DISC1: variants seen among roughly 807,000 people sequenced by gnomAD.
DISC1 encodes disrupted in schizophrenia 1 protein.
DISC1 carries 57 observed loss-of-function variants against 84.5 expected under a neutral mutation model. The ratio of observed to expected loss-of-function variants is 0.67; its 90% CI spans 0.55 to 0.84. The LOEUF (loss-of-function observed/expected upper bound fraction) is 0.84. Ranked by LOEUF, DISC1 falls within the 40% of genes least tolerant of loss-of-function variation. The pLI is 0.00. For synonymous variants in DISC1, 411 were observed against 415.2 expected (o/e 0.99, Z 0.12); for missense variants, 1,000 against 1,057.8 (o/e 0.95, Z 0.76).
chr1:231,702,931 A>G (rs1471397601), intron 3 of DISC1, among the ~76,000 whole-genome samples: 2 of 152,202 alleles, frequency 1.3e-5, no homozygotes, highest in Non-Finnish European at 2.9e-5. Flanking sequence ...GCAAGTTAGG[A>G]CACCCAGGAT....
intron 4 of DISC1, among the ~76,000 whole-genome samples, chr1:231,756,170 G>A (rs144219638): frequency 5.9e-5 from 9 of 152,286 alleles, no homozygotes; most frequent in Non-Finnish European, 1.3e-4. Context: ...TCTTGCTCAT[G>A]CCCCATTGTT....
intron 1 of DISC1, among the ~76,000 whole-genome samples, chr1:231,679,566 T>A (rs115971071): frequency 0.012 from 1,812 of 152,362 alleles, 47 homozygotes; most frequent in African/African-American, 0.042. Flanking sequence ...AAAGCACACT[T>A]CAGATATTTA....
At chr1:231,950,498 C>T (rs1490425260) in intron 9 of DISC1, among the ~76,000 whole-genome samples, 1 of 152,150 alleles carries the variant, frequency 6.6e-6, no homozygotes, top group African/African-American at 2.4e-5. Context: ...TTAGAAAAAG[C>T]ATTTGACAAA....
Position 232,039,881 on chromosome 1 carries a change from G to A in DISC1, c.*3050G>A, listed in dbSNP as rs1489842476. 6.6e-6 allele frequency: 1 copy of A among 152,122 alleles called. No individual in the cohort carries two copies. Among genetic ancestry groups the A allele is most frequent in the African/African-American group, 2.4e-5 (1 of 41,388 alleles). 9.4% of individuals were successfully genotyped at this position (152,122 alleles called of 1,614,324 possible). ...GAGAATGTAAGTGTGATATTATACT[G>A]TCTGCCTTGCTGGAATGCTGGCTTT... On this transcript the variant is annotated 3_prime_UTR_variant, in exon 13 of 13. Coordinates refer to ENST00000439617, the MANE Select transcript of DISC1 (RefSeq NM_018662.3).
chr1:231,808,228 T>G (rs1276444600), intron 8 of DISC1, among the ~76,000 whole-genome samples: 6 of 152,210 alleles, frequency 3.9e-5, no homozygotes, highest in Admixed American at 3.9e-4. Context: ...ATAAACAGTT[T>G]CCAGGTGGTT....
chr1:231,904,542 C>T (rs1343451888), intron 9 of DISC1, among the ~76,000 whole-genome samples: 2 of 152,102 alleles, frequency 1.3e-5, no homozygotes, highest in Non-Finnish European at 2.9e-5. Flanking sequence ...TGGAGTATTG[C>T]TGTGAACCTA....
At chr1:231,788,769 C>A (rs937734558) in intron 6 of DISC1, among the ~76,000 whole-genome samples, 12 of 152,182 alleles carry the variant, frequency 7.9e-5, no homozygotes, top group African/African-American at 2.9e-4. Context: ...TCAAGAGCAG[C>A]TGCAGCCTTT....
At chr1:231,827,638 A>C (rs1303888577) in intron 9 of DISC1, among the ~76,000 whole-genome samples, 3 of 152,220 alleles carry the variant, frequency 2.0e-5, no homozygotes, top group Admixed American at 6.5e-5. Flanking sequence ...CTCTTATAAA[A>C]GAGAGAGAGC....
chr1:231,634,921 CA>C (rs5781662), intron 1 of DISC1, among the ~76,000 whole-genome samples: 1 of 148,166 alleles, frequency 6.7e-6, no homozygotes, highest in Admixed American at 6.7e-5. Flanking sequence ...GACCCTGTCT[CA>C]AAAAAAAAAT....
At chr1:231,864,276 G>A (rs899937303) in intron 9 of DISC1, among the ~76,000 whole-genome samples, 6 of 151,804 alleles carry the variant, frequency 4.0e-5, no homozygotes, top group Admixed American at 2.0e-4. Context: ...CCTATATGTC[G>A]TCTGTATAAC....
intron 3 of DISC1, among the ~76,000 whole-genome samples, chr1:231,733,529 T>TGGTG (rs1558445992): frequency 2.3e-4 from 8 of 35,098 alleles, no homozygotes; most frequent in African/African-American, 3.8e-4. Context: ...GTGGTAGTTG[T>TGGTG]AGTGGTGATG....
intron 4 of DISC1, among the ~76,000 whole-genome samples, chr1:231,765,750 AAT>A (rs1393030568): frequency 6.6e-6 from 1 of 152,222 alleles, no homozygotes; most frequent in African/African-American, 2.4e-5. Flanking sequence ...ACTGTCACCA[AAT>A]ATGTCAACTC....
chr1:231,784,684 C>T (rs1351527776), intron 6 of DISC1, among the ~76,000 whole-genome samples: 1 of 152,126 alleles, frequency 6.6e-6, no homozygotes, highest in Non-Finnish European at 1.5e-5. Flanking sequence ...TCCCATGATC[C>T]TCAAAAGATG....
intron 9 of DISC1, among the ~76,000 whole-genome samples, chr1:231,919,228 T>C (rs183521629): frequency 1.3e-5 from 2 of 152,356 alleles, no homozygotes; most frequent in South Asian, 2.1e-4. Context: ...AATCTTGTTT[T>C]GTTGTTGTTC....
chr1:231,985,608 A>ATTTCAAAACT (rs1664311598), intron 10 of DISC1, among the ~76,000 whole-genome samples: 2 of 152,216 alleles, frequency 1.3e-5, no homozygotes, highest in Non-Finnish European at 2.9e-5. Flanking sequence ...ATAGTTTTCA[A>ATTTCAAAACT]TTGAAGCCTT....
At chr1:231,818,037 C>G (rs114830523) in intron 8 of DISC1, among the ~76,000 whole-genome samples, 1 of 152,142 alleles carries the variant, frequency 6.6e-6, no homozygotes, top group Non-Finnish European at 1.5e-5. Context: ...CTGGATTCCA[C>G]TGGGACATTT....
chr1:231,750,412 A>G, intron 4 of DISC1: 1 of 1,102,476 alleles, frequency 9.1e-7, no homozygotes, highest in Non-Finnish European at 1.1e-6. Context: ...GTGTCCTGTG[A>G]TCATATTAAG....
intron 1 of DISC1, among the ~76,000 whole-genome samples, chr1:231,678,239 G>A (rs1174701323): frequency 6.6e-6 from 1 of 152,160 alleles, no homozygotes. Context: ...AGAGGGGGAT[G>A]GTCAGTATGG....
intron 9 of DISC1, among the ~76,000 whole-genome samples, chr1:231,852,881 C>G: frequency 6.6e-6 from 1 of 152,118 alleles, no homozygotes; most frequent in East Asian, 1.9e-4. Context: ...AGAATTGTAA[C>G]TAAGTTGAAG....
Sources: allele counts gnomAD v4.1 joint callset (sites outside exome capture counted in the v4.1 genomes callset), GRCh38; gene constraint gnomAD v4.1.1; transcripts MANE v1.5; gene names NCBI Gene and HGNC (gene_info 2026-07-23, HGNC 2026-07-21).